PTP4A2: variants seen among roughly 807,000 people sequenced by gnomAD.
The protein encoded by PTP4A2 is protein tyrosine phosphatase 4A2.
In PTP4A2, 2 loss-of-function variants were observed where a neutral mutation model predicts 22.9. The observed-to-expected ratio is 0.09, with a 90% CI of 0.04 to 0.27. The LOEUF is 0.27. Ranked by LOEUF, PTP4A2 falls within the 10% of genes least tolerant of loss-of-function variation. The pLI, the probability that PTP4A2 is intolerant of heterozygous loss-of-function variation, is 1.00. For missense variants in PTP4A2, 103 were observed against 205.1 expected (o/e 0.50, Z 3.04); for synonymous variants, 68 against 69.1 (o/e 0.98, Z 0.08).
At chr1:31,920,748 G>C (rs1652107060) in intron 1 of PTP4A2, among the ~76,000 whole-genome samples, 1 of 151,890 alleles carries the variant, frequency 6.6e-6, no homozygotes, top group East Asian at 2.0e-4. Flanking sequence ...ACGTTGACCA[G>C]GCTCATCTCG....
chr1:31,916,069 G>A, intron 2 of PTP4A2, 82 bp from the exon 3 acceptor site: 1 of 947,482 alleles, frequency 1.1e-6, no homozygotes, highest in Non-Finnish European at 1.6e-6. Context: ...TTATAGGCCG[G>A]GCGGGGTGGT....
At chr1:31,912,367 C>T (rs142840422) in intron 3 of PTP4A2, among the ~76,000 whole-genome samples, 3 of 152,242 alleles carry the variant, frequency 2.0e-5, no homozygotes, top group East Asian at 3.9e-4. Flanking sequence ...AACAAACTAC[C>T]ATCTTTGTGC....
intron 1 of PTP4A2, chr1:31,933,879 G>A (rs2124274349): frequency 6.6e-6 from 1 of 152,338 alleles, no homozygotes; most frequent in Non-Finnish European, 1.5e-5. Context: ...CCTAAACCCT[G>A]AAAGGGTAAT....
intron 2 of PTP4A2, among the ~76,000 whole-genome samples, chr1:31,916,345 CAAAAAAAAAA>C (rs1167002913): frequency 6.5e-4 from 23 of 35,466 alleles, no homozygotes; most frequent in African/African-American, 9.4e-4. Context: ...ACTCCGTCTC[CAAAAAAAAAA>C]AAAAAAAAAA....
intron 2 of PTP4A2, among the ~76,000 whole-genome samples, chr1:31,918,690 G>A (rs1333562049): frequency 6.6e-6 from 1 of 152,144 alleles, no homozygotes; most frequent in Non-Finnish European, 1.5e-5. Context: ...AGTGCATATC[G>A]TGGTCAATAA....
At position 31,907,356 on chromosome 1, in the gene PTP4A2, C is replaced by A. The variant is rs2124117226; in HGVS notation, c.*1496G>T. On this transcript the variant is annotated 3_prime_UTR_variant, in exon 6 of 6. Transcript: ENST00000647444. The stretch of plus-strand genomic sequence containing the variant: ...ACCTGCTTTGTCCATGCAGCCTGAT[C>A]ATAACTGCCTTCCACAAAGGAGCAG... 6.6e-6 allele frequency: 1 copy of A among 152,338 alleles called. No homozygotes were observed. The highest frequency in any genetic ancestry group is 2.1e-4 in the South Asian group (1 of 4,828). The allele number at this position is 152,338 out of a possible 1,614,324, so 9.4% of individuals were successfully genotyped here.
chr1:31,928,696 C>CAAAA (rs1162186046), intron 1 of PTP4A2, among the ~76,000 whole-genome samples: 17 of 57,300 alleles, frequency 3.0e-4, no homozygotes, highest in Non-Finnish European at 5.2e-4. Flanking sequence ...AACTCTGTCT[C>CAAAA]AAAAAAAAAA....
chr1:31,914,199 T>C (rs1274417394), intron 3 of PTP4A2: 1 of 446,826 alleles, frequency 2.2e-6, no homozygotes, highest in South Asian at 1.6e-5. Flanking sequence ...CCCAAGTAGC[T>C]AGGACTATAG....
intron 1 of PTP4A2, among the ~76,000 whole-genome samples, chr1:31,928,825 A>G (rs1413633173): frequency 6.6e-6 from 1 of 152,220 alleles, no homozygotes; most frequent in Non-Finnish European, 1.5e-5. Context: ...AGTTCTATAA[A>G]AAGAAATCAT....
intron 2 of PTP4A2, among the ~76,000 whole-genome samples, chr1:31,918,066 G>A (rs1221206899): frequency 6.6e-6 from 1 of 151,834 alleles, no homozygotes; most frequent in Non-Finnish European, 1.5e-5. Context: ...TGGCTAACAT[G>A]GTGAAATCCC....
At chr1:31,922,630 C>CTT (rs1435385889) in intron 1 of PTP4A2, among the ~76,000 whole-genome samples, 13 of 95,708 alleles carry the variant, frequency 1.4e-4, no homozygotes, top group African/African-American at 6.0e-4. Flanking sequence ...TTCTTTCTTT[C>CTT]TTTCTTTTAT....
At chr1:31,909,320 C>T (rs1651407186) in intron 5 of PTP4A2, among the ~76,000 whole-genome samples, 1 of 152,080 alleles carries the variant, frequency 6.6e-6, no homozygotes, top group Admixed American at 6.5e-5. Context: ...TATTCCAGAT[C>T]AATGTCAAGA....
rs1224811252 is a variant in PTP4A2, at chr1:31,936,838, ACT to A, written c.-594+1147_-594+1148del. On this transcript the variant is annotated intron_variant, in intron 1 of 5. Transcript: ENST00000647444. Reference sequence around the variant, plus strand: ...ACTTCACTCACTTCCCTCTGAAACTACTCTCTCTTACAGAGCATGACAGCAAG... The same window carrying A: ...ACTTCACTCACTTCCCTCTGAAACTACTCTCTTACAGAGCATGACAGCAAG... Among the ~76,000 whole-genome samples the A allele has an allele frequency of 3.3e-5, 5 of 151,996 alleles. No homozygotes were observed. The East Asian group carries it at 5.8e-4, about 18-fold the overall frequency.
At chr1:31,933,816 T>C (rs1460873123) in intron 1 of PTP4A2, 4 of 152,242 alleles carry the variant, frequency 2.6e-5, no homozygotes, top group Admixed American at 2.0e-4. Context: ...TACAGGATTA[T>C]TGAGTTTCAA....
At chr1:31,916,108 G>A in intron 2 of PTP4A2, 121 bp from the exon 3 acceptor site, 1 of 584,864 alleles carries the variant, frequency 1.7e-6, no homozygotes, top group South Asian at 2.5e-5. Context: ...CACTTTGGGA[G>A]GCCTGAGGCG....
intron 2 of PTP4A2, among the ~76,000 whole-genome samples, chr1:31,917,202 C>G (rs1651893192): frequency 6.6e-6 from 1 of 152,178 alleles, no homozygotes; most frequent in Non-Finnish European, 1.5e-5. Context: ...TTAAAGGTGA[C>G]TGAACAATCT....
At chr1:31,924,187 C>CT (rs1261528419) in intron 1 of PTP4A2, 2 of 152,158 alleles carry the variant, frequency 1.3e-5, no homozygotes, top group Admixed American at 1.3e-4. Context: ...ACAGAACAAG[C>CT]TTTATCCCAT....
chr1:31,922,785 G>C (rs1035782194), intron 1 of PTP4A2, among the ~76,000 whole-genome samples: 6 of 151,822 alleles, frequency 4.0e-5, no homozygotes, highest in Non-Finnish European at 7.4e-5. Context: ...ACACCACCAG[G>C]CTAATTTTTG....
At chr1:31,924,401 C>A (rs1006975124) in intron 1 of PTP4A2, among the ~76,000 whole-genome samples, 5 of 152,158 alleles carry the variant, frequency 3.3e-5, no homozygotes, top group Admixed American at 1.3e-4. Flanking sequence ...TACACATCAA[C>A]AGTTACATTT....
Sources: allele counts gnomAD v4.1 joint callset (sites outside exome capture counted in the v4.1 genomes callset), GRCh38; gene constraint gnomAD v4.1.1; transcripts MANE v1.5; gene names NCBI Gene and HGNC (gene_info 2026-07-23, HGNC 2026-07-21).